The following GPC6 variants were observed in gnomAD, a reference collection of about 807,000 sequenced individuals.
GPC6 encodes glypican 6.
A neutral mutation model predicts 55.2 loss-of-function variants in GPC6; 14 were observed. The ratio of observed to expected loss-of-function variants is 0.25; its 90% CI spans 0.17 to 0.40. GPC6 has a LOEUF of 0.40. Among genes scored for constraint, GPC6 ranks in the 10% least tolerant of loss-of-function variants. GPC6 has a pLI of 1.00. For synonymous variants in GPC6, 278 were observed against 259.6 expected, an observed-to-expected ratio of 1.07 and a Z score of -0.68; for missense variants, 641 against 708.5, an observed-to-expected ratio of 0.90 and a Z score of 1.08.
intron 3 of GPC6, among the ~76,000 whole-genome samples, chr13:94,027,270 A>G (rs1594676936): frequency 1.3e-5 from 2 of 152,308 alleles, no homozygotes; most frequent in African/African-American, 4.8e-5. Flanking sequence ...CCTGGATCTT[A>G]GAGATCTCAG....
rs562617736 is a variant in GPC6, at chr13:94,025,117, G to A, written c.712-2612G>A. On this transcript the variant is annotated intron_variant, in intron 3 of 8. Transcript: ENST00000377047. ...CTAGGTTCTAATACCAGAACACTGA[G>A]TGAGAAGCACAGCATCATTTAATAC... is the stretch of plus-strand genomic sequence containing the variant. Among the ~76,000 whole-genome samples, 18 of 152,334 alleles carry A rather than the reference G, an allele frequency of 1.2e-4. 1 individual carries two copies. The South Asian group carries it at 3.3e-3, about 28-fold the overall frequency.
intron 2 of GPC6, among the ~76,000 whole-genome samples, chr13:93,693,459 A>ATGTGTGTGTGTG (rs1566490166): frequency 1.1e-5 from 1 of 88,388 alleles, no homozygotes; most frequent in Admixed American, 1.3e-4. Context: ...GTGTATGTAT[A>ATGTGTGTGTGTG]TCTGTGTGTG....
chr13:93,251,366 A>G (rs1010878092), intron 1 of GPC6, among the ~76,000 whole-genome samples: 1 of 152,214 alleles, frequency 6.6e-6, no homozygotes, highest in African/African-American at 2.4e-5. Context: ...TAGAGGTGGA[A>G]ACCTATAAGG....
intron 5 of GPC6, among the ~76,000 whole-genome samples, chr13:94,302,097 C>G (rs922700368): frequency 6.6e-6 from 1 of 152,198 alleles, no homozygotes. Flanking sequence ...CCTCGTGACT[C>G]TCATATTTTA....
At chr13:94,105,208 A>G (rs1886008966) in intron 4 of GPC6, among the ~76,000 whole-genome samples, 1 of 152,018 alleles carries the variant, frequency 6.6e-6, no homozygotes, top group Non-Finnish European at 1.5e-5. Flanking sequence ...TAAATTTAAA[A>G]ATTATCTGGA....
chr13:93,354,799 C>T (rs994540266), intron 1 of GPC6, among the ~76,000 whole-genome samples: 3 of 152,190 alleles, frequency 2.0e-5, no homozygotes, highest in East Asian at 1.9e-4. Flanking sequence ...TCCAGCTGTG[C>T]GTGGACAGAG....
intron 4 of GPC6, among the ~76,000 whole-genome samples, chr13:94,143,724 C>CA (rs1052904524): frequency 1.4e-4 from 22 of 151,914 alleles, no homozygotes; most frequent in Middle Eastern, 3.4e-3. Context: ...CCCATCTTTA[C>CA]AAAAAAATAC....
intron 1 of GPC6, among the ~76,000 whole-genome samples, chr13:93,543,783 T>C (rs548345437): frequency 1.3e-5 from 2 of 152,298 alleles, no homozygotes; most frequent in South Asian, 4.1e-4. Flanking sequence ...CCAGTAAACA[T>C]GGGATGCAAA....
At chr13:93,220,093 G>A in the GPC6 span, among the ~76,000 whole-genome samples, 11 of 152,142 alleles carry the variant, frequency 7.2e-5, no homozygotes, top group African/African-American at 1.2e-4. Context: ...AACTAAGTCT[G>A]TCATACTGCC....
At chr13:94,145,137 GTGGA>G (rs112864050) in intron 4 of GPC6, among the ~76,000 whole-genome samples, 114 of 149,990 alleles carry the variant, frequency 7.6e-4, no homozygotes, top group Middle Eastern at 3.5e-3. Context: ...GGATGGATGG[GTGGA>G]TGGATGGATG....
chr13:93,876,746 C>A (rs1298999227), intron 3 of GPC6, among the ~76,000 whole-genome samples: 1 of 151,828 alleles, frequency 6.6e-6, no homozygotes, highest in Non-Finnish European at 1.5e-5. Context: ...GAATTTTTTT[C>A]TTTTTTCTTT....
chr13:93,776,668 TGCCCTTGGCTTCAC>T (rs1213268278), intron 2 of GPC6, among the ~76,000 whole-genome samples: 2 of 152,364 alleles, frequency 1.3e-5, no homozygotes, highest in East Asian at 3.9e-4. Context: ...TGTATGCTTC[TGCCCTTGGCTTCAC>T]TAGAAGAAGT....
chr13:94,342,101 T>C (rs1878070491), intron 6 of GPC6, among the ~76,000 whole-genome samples: 1 of 152,244 alleles, frequency 6.6e-6, no homozygotes, highest in Non-Finnish European at 1.5e-5. Context: ...CCTTTTAAAA[T>C]AAACCTCCCA....
intron 3 of GPC6, among the ~76,000 whole-genome samples, chr13:93,898,279 A>T (rs904554792): frequency 6.6e-6 from 1 of 152,162 alleles, no homozygotes; most frequent in Non-Finnish European, 1.5e-5. Context: ...GGTGCAATAA[A>T]TACGGCATTG....
chr13:94,018,375 C>T (rs1238747321), intron 3 of GPC6, among the ~76,000 whole-genome samples: 3 of 151,748 alleles, frequency 2.0e-5, no homozygotes, highest in African/African-American at 4.8e-5. Context: ...CTGCAACCTC[C>T]GCCTCCCAGG....
chr13:93,432,579 G>A (rs909394427), intron 1 of GPC6, among the ~76,000 whole-genome samples: 9 of 152,168 alleles, frequency 5.9e-5, no homozygotes, highest in African/African-American at 1.9e-4. Flanking sequence ...AATGAAACTC[G>A]GAGAACTTGT....
At chr13:93,931,722 C>T (rs1316901329) in intron 3 of GPC6, among the ~76,000 whole-genome samples, 1 of 148,620 alleles carries the variant, frequency 6.7e-6, no homozygotes, top group Non-Finnish European at 1.5e-5. Flanking sequence ...CAAGATCGCG[C>T]CACTGCACTC....
intron 2 of GPC6, among the ~76,000 whole-genome samples, chr13:93,754,944 A>G (rs755656268): frequency 6.6e-6 from 1 of 152,210 alleles, no homozygotes; most frequent in African/African-American, 2.4e-5. Context: ...AAAATTCATA[A>G]GTATACCAGT....
At chr13:93,250,187 T>A (rs981887387) in intron 1 of GPC6, among the ~76,000 whole-genome samples, 1 of 152,206 alleles carries the variant, frequency 6.6e-6, no homozygotes, top group Admixed American at 6.5e-5. Context: ...AATGAACACT[T>A]CTAAAGCTCT....
Sources: gnomAD v4.1 joint callset for allele counts (sites outside exome capture counted in the v4.1 genomes callset) on GRCh38, gnomAD v4.1.1 for gene constraint, MANE v1.5 for transcripts, NCBI Gene and HGNC (gene_info 2026-07-23, HGNC 2026-07-21) for gene names.